Variants in TNS1 observed in about 807,000 individuals in gnomAD.
The protein encoded by TNS1 is tensin-1.
TNS1 carries 62 observed loss-of-function variants against 168.6 expected under a neutral mutation model. That is an observed-to-expected ratio of 0.37 (90% CI 0.30 to 0.45). TNS1 has a LOEUF of 0.45. TNS1 is among the 20% of genes least tolerant of loss of function. TNS1 has a pLI of 1.00. For missense variants in TNS1, 2,240 were observed against 2,339.4 expected (o/e 0.96, Z 0.88); for synonymous variants, 934 against 933.2 (o/e 1.00, Z -0.02).
chr2:217,930,143 C>T (rs1047578105), intron 3 of TNS1, among the ~76,000 whole-genome samples: 2 of 152,210 alleles, frequency 1.3e-5, no homozygotes, highest in East Asian at 1.9e-4. Flanking sequence ...CGTTCAGGTC[C>T]GCTTTCATTC....
At chr2:217,895,593 T>A (rs747820595) in intron 8 of TNS1, among the ~76,000 whole-genome samples, 1 of 152,130 alleles carries the variant, frequency 6.6e-6, no homozygotes, top group East Asian at 1.9e-4. Flanking sequence ...TCCCATGAGG[T>A]TGCAACCTCT....
Position 217,804,372 on chromosome 2 carries a change from T to A in TNS1, c.*87A>T. ...CTCCGAAATTGGCCCAAAGTCCTCC[T>A]TCTGGGTTCAAGAGTGGTCAGGATT... is the stretch of plus-strand genomic sequence containing the variant. On this transcript the variant is annotated 3_prime_UTR_variant, in exon 33 of 33. Transcript: ENST00000682258. 6.5e-7 allele frequency: 1 copy of A among 1,529,480 alleles called. No individual in the cohort carries two copies. The highest frequency in any genetic ancestry group is 8.8e-7 in the Non-Finnish European group (1 of 1,131,746). 94.7% of individuals were successfully genotyped at this position (1,529,480 alleles called of 1,614,324 possible).
intron 22 of TNS1, among the ~76,000 whole-genome samples, chr2:217,823,584 C>T (rs971912644): frequency 7.9e-5 from 12 of 152,136 alleles, no homozygotes; most frequent in African/African-American, 2.4e-4. Flanking sequence ...CTCTAGACCC[C>T]GGAAGAGGAT....
chr2:218,010,173 A>C (rs1427396074), exon 1 of TNS1: 3 of 398,932 alleles, frequency 7.5e-6, no homozygotes, highest in Non-Finnish European at 1.3e-5. Context: ...CACGCAGGAG[A>C]AGCACCAACT....
intron 6 of TNS1, among the ~76,000 whole-genome samples, chr2:217,902,973 G>A (rs1231628852): frequency 6.6e-6 from 1 of 152,194 alleles, no homozygotes; most frequent in African/African-American, 2.4e-5. Context: ...CAACAAATGG[G>A]CTGGGGCAGG....
intron 32 of TNS1, among the ~76,000 whole-genome samples, chr2:217,805,687 T>TATCAC (rs1559133236): frequency 9.7e-5 from 3 of 31,066 alleles, no homozygotes; most frequent in Non-Finnish European, 1.4e-4. Flanking sequence ...ATACACACCA[T>TATCAC]CACACACATC....
At chr2:217,967,819 G>A (rs1957685479) in intron 3 of TNS1, among the ~76,000 whole-genome samples, 2 of 152,224 alleles carry the variant, frequency 1.3e-5, no homozygotes, top group South Asian at 4.2e-4. Context: ...ATCATTCTAT[G>A]AGGCCAAAAC....
chr2:217,964,343 A>T (rs1231668167), intron 3 of TNS1, among the ~76,000 whole-genome samples: 2 of 152,160 alleles, frequency 1.3e-5, no homozygotes, highest in Admixed American at 1.3e-4. Context: ...AGGCTGTGCA[A>T]CTTGTCCAGT....
At chr2:217,816,439 T>C (rs574936385) in intron 24 of TNS1, among the ~76,000 whole-genome samples, 1 of 152,316 alleles carries the variant, frequency 6.6e-6, no homozygotes, top group South Asian at 2.1e-4. Flanking sequence ...CTTATGCTTC[T>C]GGGATCTGTC....
At chr2:217,946,969 T>TCTCACACACA (rs1553618866) in intron 3 of TNS1, among the ~76,000 whole-genome samples, 23 of 118,866 alleles carry the variant, frequency 1.9e-4, no homozygotes, top group African/African-American at 9.4e-4. Flanking sequence ...TCTCTCTCTC[T>TCTCACACACA]CACACACACA....
In TNS1 at chr2:217,948,713, G is replaced by A. The variant is rs541090765; in HGVS notation, c.187-28477C>T. ...CCCATCCTTGCCCTTCCTTCCTAAT[G>A]TCAGGTCTTCTTCTATGTCTCATCC... is the stretch of plus-strand genomic sequence containing the variant. On this transcript the variant is annotated intron_variant, in intron 3 of 32. Transcript: ENST00000682258. This position sits in a 1 kb window ranked among gnomAD's most constrained non-coding sequence, Gnocchi z 4.1. 6.6e-6 allele frequency among the ~76,000 whole-genome samples: 1 copy of A among 152,256 alleles called. No homozygotes were observed. Among genetic ancestry groups the A allele is most frequent in the African/African-American group, 2.4e-5 (1 of 41,544 alleles).
At chr2:217,953,031 G>T (rs889380463) in intron 3 of TNS1, among the ~76,000 whole-genome samples, 8 of 152,206 alleles carry the variant, frequency 5.3e-5, no homozygotes, top group Non-Finnish European at 1.0e-4. Flanking sequence ...CAGCGCTCAG[G>T]CCTCTGCATC....
upstream of TNS1, among the ~76,000 whole-genome samples, chr2:218,006,098 C>T (rs535619630): frequency 2.0e-5 from 3 of 152,296 alleles, no homozygotes; most frequent in South Asian, 2.1e-4. Flanking sequence ...TCTGCCTTCC[C>T]GCTGCATGCG....
upstream of TNS1, among the ~76,000 whole-genome samples, chr2:218,004,041 CA>C (rs927182843): frequency 2.6e-5 from 4 of 151,852 alleles, no homozygotes; most frequent in African/African-American, 9.7e-5. Flanking sequence ...CGTTCCCCTC[CA>C]AAAAAAACCC....
chr2:217,849,855 C>T (rs1002980338), intron 18 of TNS1: 5 of 985,432 alleles, frequency 5.1e-6, no homozygotes, highest in Middle Eastern at 5.2e-4. Context: ...CAAAGGGCCC[C>T]ACCATGCCCA....
At chr2:218,004,343 C>T (rs1958630708), upstream of TNS1, among the ~76,000 whole-genome samples, 1 of 152,110 alleles carries the variant, frequency 6.6e-6, no homozygotes, top group Non-Finnish European at 1.5e-5. Flanking sequence ...GGGCCACATG[C>T]ACGAAGGGTT....
chr2:217,830,413 C>T lies in TNS1; in HGVS notation c.3373+1042G>A, dbSNP rs562654172. 9.3e-6 allele frequency: 15 copies of T among 1,612,820 alleles called. No individual in the cohort carries two copies. The South Asian group carries it at 1.5e-4, about 17-fold the overall frequency. ...TAACTAAGGAAAAAAGTAAAGTTGA[C>T]CCCAATAGCCCCCACCCAGCCCTAA... On this transcript the variant is annotated intron_variant, in intron 22 of 32. Coordinates refer to ENST00000682258, the MANE Select transcript of TNS1 (RefSeq NM_001387777.1).
At chr2:217,840,458 G>T (rs186358131) in intron 19 of TNS1, among the ~76,000 whole-genome samples, 1 of 152,370 alleles carries the variant, frequency 6.6e-6, no homozygotes, top group East Asian at 1.9e-4. Context: ...ACTATCATCT[G>T]TCCACTTCTC....
At chr2:217,885,263 C>A (rs1462313598) in intron 15 of TNS1, 99 bp from the exon 16 acceptor site, 1 of 1,538,202 alleles carries the variant, frequency 6.5e-7, no homozygotes, top group Non-Finnish European at 8.8e-7. Context: ...GCCCCCAAGG[C>A]TCACCCCAAA....
Sources: gnomAD v4.1 joint callset for allele counts (sites outside exome capture counted in the v4.1 genomes callset) on GRCh38, gnomAD v4.1.1 for gene constraint, Gnocchi (gnomAD v3.1) non-coding constraint, MANE v1.5 for transcripts, NCBI Gene and HGNC (gene_info 2026-07-23, HGNC 2026-07-21) for gene names.